Variants in FRMD3 observed in about 807,000 individuals in gnomAD.
FRMD3 encodes the protein FERM domain containing 3, also known as FERM domain-containing protein 3.
In FRMD3, 33 loss-of-function variants were observed where a neutral mutation model predicts 70.2. The observed-to-expected ratio is 0.47, with a 90% CI of 0.36 to 0.63. The LOEUF (loss-of-function observed/expected upper bound fraction) is 0.63, where lower values mean the gene tolerates loss of function less well. FRMD3 is among the 20% of genes least tolerant of loss of function. The pLI is 0.00. For synonymous variants in FRMD3, 279 were observed against 255.9 expected, an observed-to-expected ratio of 1.09 and a Z score of -0.86; for missense variants, 632 against 711.4, an observed-to-expected ratio of 0.89 and a Z score of 1.27.
chr9:83,465,692 G>T (rs7855304), intron 1 of FRMD3, among the ~76,000 whole-genome samples: 115,860 of 152,144 alleles, frequency 0.76, 44,399 homozygotes, highest in African/African-American at 0.85. Flanking sequence ...CAGTGGGACC[G>T]GTATACATGC....
chr9:83,353,393 C>T (rs1426634437), intron 3 of FRMD3, among the ~76,000 whole-genome samples: 1 of 152,132 alleles, frequency 6.6e-6, no homozygotes, highest in African/African-American at 2.4e-5. Flanking sequence ...TGTTCCTTCA[C>T]AGGGCTGGAA....
intron 1 of FRMD3, among the ~76,000 whole-genome samples, chr9:83,503,281 A>T (rs982224623): frequency 6.6e-6 from 1 of 152,228 alleles, no homozygotes; most frequent in Non-Finnish European, 1.5e-5. Context: ...TTAAAAGCAG[A>T]GAGCTTTCTC....
At chr9:83,577,710 G>A in the FRMD3 span, among the ~76,000 whole-genome samples, 1 of 151,918 alleles carries the variant, frequency 6.6e-6, no homozygotes, top group Admixed American at 6.6e-5. Flanking sequence ...GGACTTTATT[G>A]TTTTTATAGC....
intron 1 of FRMD3, among the ~76,000 whole-genome samples, chr9:83,477,140 G>A (rs1406476781): frequency 1.3e-5 from 2 of 152,174 alleles, no homozygotes; most frequent in East Asian, 3.8e-4. Flanking sequence ...TGTGAGAAAT[G>A]CCAATTATCA....
At chr9:83,432,922 T>A (rs1827024403) in intron 1 of FRMD3, among the ~76,000 whole-genome samples, 1 of 152,208 alleles carries the variant, frequency 6.6e-6, no homozygotes, top group African/African-American at 2.4e-5. Flanking sequence ...CCAATGTCCA[T>A]TATACAACTC....
Position 83,247,212 on chromosome 9 carries a change from T to A in FRMD3, c.*706A>T. Reference sequence around the variant, plus strand: ...CTCTGTTTTAGCAGCTTACTTACTATAGTGTCTTTCTACCCATTTTCTATC... The same window carrying A: ...CTCTGTTTTAGCAGCTTACTTACTAAAGTGTCTTTCTACCCATTTTCTATC... On this transcript the variant is annotated 3_prime_UTR_variant, in exon 14 of 14. Coordinates refer to ENST00000304195, the MANE Select transcript of FRMD3 (RefSeq NM_174938.6). The A allele has an allele frequency of 1.0e-6, 1 of 985,370 alleles. No individual in the cohort carries two copies. Among genetic ancestry groups the A allele is most frequent in the South Asian group, 4.7e-5 (1 of 21,286 alleles). The allele number at this position is 985,370 out of a possible 1,614,324, so 61.0% of individuals were successfully genotyped here.
chr9:83,425,474 G>A (rs559477559), intron 1 of FRMD3, among the ~76,000 whole-genome samples: 1 of 152,276 alleles, frequency 6.6e-6, no homozygotes, highest in Non-Finnish European at 1.5e-5. Flanking sequence ...GACAACAGGA[G>A]TATGCATGAA....
At chr9:83,293,498 CG>C (rs1834530507) in intron 12 of FRMD3, among the ~76,000 whole-genome samples, 1 of 152,198 alleles carries the variant, frequency 6.6e-6, no homozygotes, top group Non-Finnish European at 1.5e-5. Context: ...GATGGGCCCT[CG>C]GTGAGCCTTT....
At chr9:83,572,746 T>C in the FRMD3 span, among the ~76,000 whole-genome samples, 19,134 of 151,910 alleles carry the variant, frequency 0.13, 1,275 homozygotes, top group Middle Eastern at 0.22. Flanking sequence ...AAGAGCAGAG[T>C]TGGATTTGTG....
chr9:83,532,618 C>T (rs1171424790), intron 1 of FRMD3, among the ~76,000 whole-genome samples: 1 of 152,024 alleles, frequency 6.6e-6, no homozygotes, highest in Non-Finnish European at 1.5e-5. Flanking sequence ...CTCCCCACCA[C>T]ACACATGTGC....
At chr9:83,498,103 G>T (rs1828982551) in intron 1 of FRMD3, among the ~76,000 whole-genome samples, 1 of 152,114 alleles carries the variant, frequency 6.6e-6, no homozygotes, top group African/African-American at 2.4e-5. Context: ...AGCAGAGGCA[G>T]AGGCTGCAGT....
intron 1 of FRMD3, among the ~76,000 whole-genome samples, chr9:83,484,143 T>A (rs1169348559): frequency 1.3e-5 from 2 of 152,204 alleles, no homozygotes; most frequent in Non-Finnish European, 2.9e-5. Context: ...TCCTCTGACA[T>A]CCTTTATCAA....
At chr9:83,420,181 G>A (rs1447419462) in intron 1 of FRMD3, among the ~76,000 whole-genome samples, 1 of 152,180 alleles carries the variant, frequency 6.6e-6, no homozygotes, top group Non-Finnish European at 1.5e-5. Context: ...CTGCAGAAAC[G>A]GGATTCTAGC....
chr9:83,469,717 G>C (rs1173360047), intron 1 of FRMD3, among the ~76,000 whole-genome samples: 5 of 152,052 alleles, frequency 3.3e-5, no homozygotes, highest in African/African-American at 9.7e-5. Context: ...TGGAGGAGAG[G>C]GAAATGCCTG....
At chr9:83,574,746 C>T in the FRMD3 span, among the ~76,000 whole-genome samples, 1 of 152,144 alleles carries the variant, frequency 6.6e-6, no homozygotes, top group Non-Finnish European at 1.5e-5. Context: ...GTCCAGGAAG[C>T]TGCATCCCTT....
the FRMD3 span, among the ~76,000 whole-genome samples, chr9:83,569,566 G>T: frequency 6.6e-6 from 1 of 152,334 alleles, no homozygotes; most frequent in East Asian, 1.9e-4. Context: ...AAGGAAAGTA[G>T]CCATTTGATT....
At chr9:83,371,275 T>G (rs1824961292) in intron 3 of FRMD3, among the ~76,000 whole-genome samples, 1 of 152,062 alleles carries the variant, frequency 6.6e-6, no homozygotes, top group African/African-American at 2.4e-5. Flanking sequence ...ATTCTCATTA[T>G]CCTGCATATC....
At chr9:83,380,628 T>G (rs1370568221) in intron 2 of FRMD3, among the ~76,000 whole-genome samples, 1 of 152,196 alleles carries the variant, frequency 6.6e-6, no homozygotes, top group Non-Finnish European at 1.5e-5. Context: ...CTAAGAAGAT[T>G]GATTTTTAAT....
rs977881719 is a variant in FRMD3 at position 83,247,379 on chromosome 9, G to A, written c.*539C>T. The A allele has an allele frequency of 3.4e-6, 3 of 877,980 alleles. No homozygotes were observed. The African/African-American group carries it at 8.6e-5, about 25-fold the overall frequency. 54.4% of individuals were successfully genotyped at this position (877,980 alleles called of 1,614,324 possible). ...TCTGTACATGTAAATAACTCCAGGA[G>A]GCTTCTTTTTTTTTTTTGCTAAAAA... On this transcript the variant is annotated 3_prime_UTR_variant, in exon 14 of 14. Transcript: ENST00000304195.
Sources: allele counts gnomAD v4.1 joint callset (sites outside exome capture counted in the v4.1 genomes callset), GRCh38; gene constraint gnomAD v4.1.1; transcripts MANE v1.5; gene names NCBI Gene and HGNC (gene_info 2026-07-23, HGNC 2026-07-21).